The following DOK5 variants were observed in gnomAD, a reference collection of about 807,000 sequenced individuals.
The protein encoded by DOK5 is docking protein 5.
A neutral mutation model predicts 43.3 loss-of-function variants in DOK5; 27 were observed. That is an observed-to-expected ratio of 0.62 (90% CI 0.46 to 0.86). The LOEUF is 0.86. Ranked by LOEUF, DOK5 falls within the 40% of genes least tolerant of loss-of-function variation. DOK5 has a pLI of 0.00. For missense variants in DOK5, 373 were observed against 392.9 expected (o/e 0.95, Z 0.43); for synonymous variants, 146 against 140.1 (o/e 1.04, Z -0.30).
At chr20:54,644,698 T>C (rs1979292831) in intron 7 of DOK5, among the ~76,000 whole-genome samples, 2 of 57,972 alleles carry the variant, frequency 3.4e-5, no homozygotes, top group African/African-American at 1.5e-4. Context: ...AGAGAGAGAC[T>C]CCGTCTCAAA....
At chr20:54,572,310 G>A (rs1454784923) in intron 2 of DOK5, among the ~76,000 whole-genome samples, 3 of 151,870 alleles carry the variant, frequency 2.0e-5, no homozygotes, top group South Asian at 2.1e-4. Flanking sequence ...ACAGGTACTC[G>A]CCACCACGCC....
intron 1 of DOK5, among the ~76,000 whole-genome samples, chr20:54,497,324 A>AT (rs1982440625): frequency 1.3e-5 from 2 of 152,340 alleles, no homozygotes; most frequent in South Asian, 4.1e-4. Context: ...GCAGGCTAAA[A>AT]TTGTCATCCA....
chr20:54,560,627 T>C (rs1984867909), intron 2 of DOK5, among the ~76,000 whole-genome samples: 1 of 152,172 alleles, frequency 6.6e-6, no homozygotes, highest in East Asian at 1.9e-4. Flanking sequence ...GGTTTCTTTC[T>C]TTCCTTTTTT....
At chr20:54,596,339 T>G (rs1488055083) in intron 5 of DOK5, among the ~76,000 whole-genome samples, 1 of 152,210 alleles carries the variant, frequency 6.6e-6, no homozygotes, top group East Asian at 1.9e-4. Flanking sequence ...AAGCAAGTAG[T>G]TTTCACATAT....
At chr20:54,598,229 A>C (rs1295875821) in intron 5 of DOK5, among the ~76,000 whole-genome samples, 1 of 152,236 alleles carries the variant, frequency 6.6e-6, no homozygotes. Context: ...TTTTTTAATA[A>C]GATGAAATTG....
intron 1 of DOK5, among the ~76,000 whole-genome samples, chr20:54,520,346 C>T (rs1459342875): frequency 4.6e-5 from 7 of 152,068 alleles, no homozygotes; most frequent in Non-Finnish European, 1.0e-4. Flanking sequence ...CTGTTGTTTC[C>T]ACTCTAGGTC....
intron 1 of DOK5, among the ~76,000 whole-genome samples, chr20:54,539,249 A>G (rs1984059427): frequency 7.1e-6 from 1 of 140,490 alleles, no homozygotes; most frequent in Non-Finnish European, 1.5e-5. Context: ...CCTGCACTCC[A>G]GCCTGGGCAA....
intron 6 of DOK5, among the ~76,000 whole-genome samples, chr20:54,638,084 T>C (rs148352170): frequency 0.014 from 2,052 of 144,142 alleles, 51 homozygotes; most frequent in African/African-American, 0.049. Flanking sequence ...ATCATGTCAC[T>C]GCATTCCAGC....
At chr20:54,643,839 G>A (rs898045480) in intron 7 of DOK5, among the ~76,000 whole-genome samples, 1 of 152,202 alleles carries the variant, frequency 6.6e-6, no homozygotes, top group Non-Finnish European at 1.5e-5. Flanking sequence ...CATCCCCAGA[G>A]ACTCTAGATC....
intron 6 of DOK5, among the ~76,000 whole-genome samples, chr20:54,637,346 G>T (rs766633993): frequency 5.9e-5 from 9 of 152,246 alleles, no homozygotes; most frequent in Non-Finnish European, 1.0e-4. Context: ...TAGAGGGAAA[G>T]TTCAAGTGTT....
chr20:54,510,527 T>A (rs1025210348), intron 1 of DOK5, among the ~76,000 whole-genome samples: 2 of 152,174 alleles, frequency 1.3e-5, no homozygotes, highest in Non-Finnish European at 2.9e-5. Context: ...CTTTACATAA[T>A]AATGACTAAC....
Position 54,619,023 on chromosome 20 carries a change from TTATATATATATATATA to T in DOK5, c.735+8536_735+8551del, listed in dbSNP as rs11468808. 5.3e-3 allele frequency among the ~76,000 whole-genome samples: 228 copies of T among 43,402 alleles called. 8 individuals carry two copies. In the East Asian group the frequency reaches 0.083, roughly 16 times the overall value. The allele number at this position is 43,402 out of a possible 152,430, so 28.5% of individuals were successfully genotyped here. ...CAGAACAAGACCTTGTTTCAATAAATTATATATATATATATATATATATATATATATATATATATAT... is the reference window on the plus strand; with the variant it reads ...CAGAACAAGACCTTGTTTCAATAAATTATATATATATATATATATATATAT... On this transcript the variant is annotated intron_variant, in intron 6 of 7. Transcript: ENST00000262593.
chr20:54,609,780 G>A (rs990962335), intron 5 of DOK5, among the ~76,000 whole-genome samples: 15 of 151,968 alleles, frequency 9.9e-5, no homozygotes, highest in African/African-American at 2.9e-4. Context: ...ACAACTTTCC[G>A]TGAAGAACTT....
intron 1 of DOK5, among the ~76,000 whole-genome samples, chr20:54,523,110 A>G (rs1445304975): frequency 6.6e-6 from 1 of 152,180 alleles, no homozygotes; most frequent in Non-Finnish European, 1.5e-5. Flanking sequence ...TGTATTTCCT[A>G]TTGGCTTCAG....
At position 54,644,722 on chromosome 20, in the gene DOK5, A is replaced by AAAAAC. The variant is rs1555839828; in HGVS notation, c.856+1146_856+1147insAACAA. ...CTCCGTCTCAAAAAAAAAAAAAAAA[A>AAAAAC]AACAAAATTTAGCTGGGCGTGGTGG... On this transcript the variant is annotated intron_variant, in intron 7 of 7. Coordinates refer to ENST00000262593, the MANE Select transcript of DOK5 (RefSeq NM_018431.5). 5.7e-3 allele frequency among the ~76,000 whole-genome samples: 839 copies of AAAAAC among 146,620 alleles called. 12 individuals carry two copies. Among genetic ancestry groups the AAAAAC allele is most frequent in the African/African-American group, 0.02 (778 of 39,312 alleles).
chr20:54,477,156 G>T (rs1981464007), intron 1 of DOK5, among the ~76,000 whole-genome samples: 1 of 152,108 alleles, frequency 6.6e-6, no homozygotes, highest in African/African-American at 2.4e-5. Flanking sequence ...AAATTGAATA[G>T]CTTTCTTTAG....
At chr20:54,491,184 T>A (rs1382679188) in intron 1 of DOK5, among the ~76,000 whole-genome samples, 1 of 152,238 alleles carries the variant, frequency 6.6e-6, no homozygotes, top group Non-Finnish European at 1.5e-5. Context: ...TTGTTGCTTG[T>A]TTCTTCTAGT....
At chr20:54,628,395 C>T (rs1263172580) in intron 6 of DOK5, among the ~76,000 whole-genome samples, 13 of 101,612 alleles carry the variant, frequency 1.3e-4, no homozygotes, top group African/African-American at 4.9e-4. Context: ...GGCGACAGAG[C>T]GAGACTCCGT....
At chr20:54,588,059 G>A (rs1343737645) in intron 2 of DOK5, among the ~76,000 whole-genome samples, 4 of 152,022 alleles carry the variant, frequency 2.6e-5, no homozygotes, top group Non-Finnish European at 5.9e-5. Flanking sequence ...ACACTTACAT[G>A]GGGAATACTC....
Sources: allele counts gnomAD v4.1 joint callset (sites outside exome capture counted in the v4.1 genomes callset), GRCh38; gene constraint gnomAD v4.1.1; transcripts MANE v1.5; gene names NCBI Gene and HGNC (gene_info 2026-07-23, HGNC 2026-07-21).